Variants in PANX1 observed in about 807,000 individuals in gnomAD.
PANX1 encodes pannexin 1.
A neutral mutation model predicts 38.7 loss-of-function variants in PANX1; 30 were observed. That is an observed-to-expected ratio of 0.78 (90% confidence interval 0.58 to 1.05). PANX1 has a LOEUF of 1.05. Ranked by LOEUF, PANX1 falls within the 50% of genes least tolerant of loss-of-function variation. The probability of loss-of-function intolerance (pLI) is 0.00; values close to 1 mark genes in which losing one functional copy is unlikely to be tolerated. For synonymous variants in PANX1, 230 were observed against 212.2 expected (o/e 1.08, Z -0.73); for missense variants, 551 against 517.2 (o/e 1.07, Z -0.63).
rs1315618238 is a variant in PANX1 at position 94,170,968 on chromosome 11, A to G, written c.322-7401A>G. 1.3e-5 allele frequency among the ~76,000 whole-genome samples: 2 copies of G among 151,542 alleles called. 1 individual carries two copies. The highest frequency in any genetic ancestry group is 4.9e-5 in the African/African-American group (2 of 40,906). On this transcript the variant is annotated intron_variant, in intron 2 of 4. Transcript: ENST00000227638. ...TTGCGTAATTTCTTCCCATGCCTGT[A>G]TTTCTTACCTTGCTACTGTTTCTTC...
chr11:94,168,763 T>C (rs1379335118), intron 2 of PANX1, among the ~76,000 whole-genome samples: 1 of 151,670 alleles, frequency 6.6e-6, no homozygotes, highest in Non-Finnish European at 1.5e-5. Context: ...AGCAGTTTGC[T>C]GATCCTTGGT....
chr11:94,172,617 G>C (rs979840952), intron 2 of PANX1, among the ~76,000 whole-genome samples: 1 of 151,720 alleles, frequency 6.6e-6, no homozygotes. Context: ...CACTATAATG[G>C]CAGAGTTGAG....
Position 94,179,953 on chromosome 11 carries a change from C to A in PANX1, c.897C>A (p.Phe299Leu), listed in dbSNP as rs764326907. The change falls in exon 4 of 5, where the codon TTC (phenylalanine) becomes TTA (leucine). Residue 299 changes from phenylalanine to leucine, a missense_variant. Physicochemically the swap from Phe to Leu is conservative, Grantham distance 22 (BLOSUM62 0). Transcript: ENST00000227638. ...PVVVYTLFVP[F>L]RQKTDVLKVY... ...TTGTCTACACGCTGTTTGTTCCATT[C>A]CGACAGAAGACAGATGTTCTCAAAG... 3 of 1,601,810 alleles carry A rather than the reference C, an allele frequency of 1.9e-6. No homozygotes were observed. Among genetic ancestry groups the A allele is most frequent in the Admixed American group, 3.4e-5 (2 of 59,466 alleles).
chr11:94,167,282 A>G (rs567483710), intron 2 of PANX1, among the ~76,000 whole-genome samples: 2 of 152,220 alleles, frequency 1.3e-5, no homozygotes, highest in South Asian at 2.1e-4. Context: ...ACTCTCTTCA[A>G]TGCCACTTTC....
intron 2 of PANX1, among the ~76,000 whole-genome samples, chr11:94,159,207 T>TC (rs897381839): frequency 1.4e-5 from 2 of 148,058 alleles, no homozygotes; most frequent in African/African-American, 5.0e-5. Flanking sequence ...GGTCTAAAGT[T>TC]CTTTTTTTTT....
At chr11:94,176,436 C>T (rs978255740) in intron 2 of PANX1, among the ~76,000 whole-genome samples, 4 of 151,628 alleles carry the variant, frequency 2.6e-5, no homozygotes, top group African/African-American at 9.8e-5. Context: ...AGGGGAAAAA[C>T]TACTACTGTA....
chr11:94,166,067 C>A (rs910221881), intron 2 of PANX1, among the ~76,000 whole-genome samples: 2 of 152,108 alleles, frequency 1.3e-5, no homozygotes, highest in Non-Finnish European at 2.9e-5. Context: ...TTCATCCCCC[C>A]CTCGCTTTCG....
In PANX1 at chr11:94,129,170, A is replaced by G; in HGVS notation, c.-143A>G. The G allele has an allele frequency of 1.7e-6, 1 of 601,496 alleles. No individual in the cohort carries two copies. The highest frequency in any genetic ancestry group is 2.4e-5 in the South Asian group (1 of 41,030). 37.3% of individuals were successfully genotyped at this position (601,496 alleles called of 1,614,324 possible). A position where few individuals can be genotyped will look rare whatever the true frequency, so the allele number is the denominator to read the frequency against. ...GTCGCTGGGAGCCTGAGGCACCGAG[A>G]CACAAAGGCAGGCGGGATGCGGGAG... On this transcript the variant is annotated 5_prime_UTR_variant, in exon 1 of 5. Coordinates refer to ENST00000227638, the MANE Select transcript of PANX1 (RefSeq NM_015368.4).
chr11:94,167,691 A>T lies in PANX1; in HGVS notation c.322-10678A>T, dbSNP rs189415050. On this transcript the variant is annotated intron_variant, in intron 2 of 4. Transcript: ENST00000227638. ...AACTGACTGAAAACTGCACCAAAATAATCAAATAGAAATTCTTGAGCTGAA... is the reference window on the plus strand; with the variant it reads ...AACTGACTGAAAACTGCACCAAAATTATCAAATAGAAATTCTTGAGCTGAA... Among the ~76,000 whole-genome samples, 5 of 152,350 alleles carry T rather than the reference A, an allele frequency of 3.3e-5. No individual in the cohort carries two copies. In the East Asian group the frequency reaches 9.6e-4, roughly 29 times the overall value.
intron 2 of PANX1, among the ~76,000 whole-genome samples, chr11:94,164,843 A>G (rs896399489): frequency 4.6e-5 from 7 of 152,190 alleles, no homozygotes; most frequent in Admixed American, 3.9e-4. Flanking sequence ...TTCTTTATAT[A>G]TCTGAGTGCT....
chr11:94,131,395 C>G (rs1946627985), intron 1 of PANX1, among the ~76,000 whole-genome samples: 1 of 152,206 alleles, frequency 6.6e-6, no homozygotes, highest in Non-Finnish European at 1.5e-5. Context: ...GTGCATAGCA[C>G]TGTTGTGTGC....
intron 1 of PANX1, among the ~76,000 whole-genome samples, chr11:94,138,829 G>A (rs990739189): frequency 6.6e-6 from 1 of 152,096 alleles, no homozygotes; most frequent in African/African-American, 2.4e-5. Context: ...GTTTTGATAA[G>A]CAGAAGTTAT....
chr11:94,161,364 A>G lies in PANX1; in HGVS notation c.321+7734A>G, dbSNP rs980546675. On this transcript the variant is annotated intron_variant, in intron 2 of 4. Transcript: ENST00000227638. ...CTCCCTGTCACTTTCAGGTACACCA[A>G]TCAGACGCAGATTTGGTCTTCTCAC... is the stretch of plus-strand genomic sequence containing the variant. Among the ~76,000 whole-genome samples, 35 of 152,210 alleles carry G rather than the reference A, an allele frequency of 2.3e-4. 1 individual carries two copies. The highest frequency in any genetic ancestry group is 4.1e-4 in the Non-Finnish European group (28 of 68,034).
chr11:94,177,552 T>C (rs961485203), intron 2 of PANX1, among the ~76,000 whole-genome samples: 1 of 152,198 alleles, frequency 6.6e-6, no homozygotes, highest in African/African-American at 2.4e-5. Flanking sequence ...TCAATTCAGA[T>C]CTGCACTGAC....
intron 1 of PANX1, among the ~76,000 whole-genome samples, chr11:94,134,000 C>G (rs759886244): frequency 2.0e-5 from 3 of 151,342 alleles, no homozygotes; most frequent in Non-Finnish European, 4.4e-5. Flanking sequence ...CAGGCCTGTC[C>G]TGGCCACCTC....
At chr11:94,159,258 T>A (rs1011214470) in intron 2 of PANX1, among the ~76,000 whole-genome samples, 1 of 152,202 alleles carries the variant, frequency 6.6e-6, no homozygotes, top group Non-Finnish European at 1.5e-5. Context: ...AGGATGATGC[T>A]GGCCTCATAA....
chr11:94,165,633 G>T (rs1027257746), intron 2 of PANX1, among the ~76,000 whole-genome samples: 1 of 152,124 alleles, frequency 6.6e-6, no homozygotes, highest in Non-Finnish European at 1.5e-5. Context: ...TTATGTGGCC[G>T]GGCACAGTGG....
At chr11:94,159,160 A>G (rs981251647) in intron 2 of PANX1, among the ~76,000 whole-genome samples, 10 of 152,060 alleles carry the variant, frequency 6.6e-5, no homozygotes, top group Non-Finnish European at 1.2e-4. Flanking sequence ...CCAGTATTTT[A>G]TTGAGGATTT....
chr11:94,129,333 C>A lies in PANX1; in HGVS notation c.21C>A (p.Ala7=). The change falls in exon 1 of 5, where the codon GCC becomes GCA. Residue 7 remains alanine (A), a synonymous_variant. Transcript: ENST00000227638. The stretch of plus-strand genomic sequence containing the variant: ...CAGCCATGGCCATCGCTCAACTGGC[C>A]ACGGAGTACGTGTTCTCGGATTTCT... MAIAQL[A]TEYVFSDFLL... 1.9e-6 allele frequency: 3 copies of A among 1,612,348 alleles called. No individual in the cohort carries two copies. The highest frequency in any genetic ancestry group is 2.5e-6 in the Non-Finnish European group (3 of 1,178,748).
Sources: allele counts gnomAD v4.1 joint callset (sites outside exome capture counted in the v4.1 genomes callset), GRCh38; gene constraint gnomAD v4.1.1; transcripts MANE v1.5; gene names NCBI Gene and HGNC (gene_info 2026-07-23, HGNC 2026-07-21).